The following CABIN1 variants were observed in gnomAD, a reference collection of about 807,000 sequenced individuals.
The protein encoded by CABIN1 is calcineurin binding protein 1.
A neutral mutation model predicts 227.7 loss-of-function variants in CABIN1; 133 were observed. The observed-to-expected ratio is 0.58, with a 90% CI of 0.51 to 0.67. The LOEUF (loss-of-function observed/expected upper bound fraction) is 0.67, where lower values mean the gene tolerates loss of function less well. Among genes scored for constraint, CABIN1 ranks in the 30% least tolerant of loss-of-function variants. The pLI is 0.00. For missense variants in CABIN1, 2,408 were observed against 2,852.5 expected, an observed-to-expected ratio of 0.84 and a Z score of 3.55; for synonymous variants, 1,086 against 1,155.1, an observed-to-expected ratio of 0.94 and a Z score of 1.21.
rs148566914 is a variant in CABIN1 at position 24,116,733 on chromosome 22, C to A, written c.4301-2634C>A. 7.5e-4 allele frequency among the ~76,000 whole-genome samples: 114 copies of A among 152,298 alleles called. 1 individual carries two copies. Among genetic ancestry groups the A allele is most frequent in the African/African-American group, 2.6e-3 (109 of 41,580 alleles). ...AGGGCCAGGCTTTTCCATAATGAGGCCCCCTGAGTTCACTAGGCCATCAGT... is the reference window on the plus strand; with the variant it reads ...AGGGCCAGGCTTTTCCATAATGAGGACCCCTGAGTTCACTAGGCCATCAGT... On this transcript the variant is annotated intron_variant, in intron 27 of 36. Transcript: ENST00000263119.
At chr22:24,102,265 C>G (rs576279333) in intron 26 of CABIN1, 1 of 152,388 alleles carries the variant, frequency 6.6e-6, no homozygotes, top group African/African-American at 2.4e-5. Context: ...GTCACTTGGC[C>G]TGGCTCAGCC....
chr22:24,148,080 G>A (rs181656387), intron 29 of CABIN1, among the ~76,000 whole-genome samples: 261 of 152,294 alleles, frequency 1.7e-3, no homozygotes, highest in African/African-American at 6.2e-3. Context: ...AAGGAGGAGG[G>A]GGTTGCTGTT....
In CABIN1 at chr22:24,076,183, C is replaced by T. The variant is rs779884288; in HGVS notation, c.2647C>T (p.Pro883Ser). 2 of 1,614,116 alleles carry T rather than the reference C, an allele frequency of 1.2e-6. No individual in the cohort carries two copies. Among genetic ancestry groups the T allele is most frequent in the South Asian group, 1.1e-5 (1 of 91,082 alleles). The stretch of plus-strand genomic sequence containing the variant: ...GCTTTCCCTAGGGATGTCAGAGACG[C>T]CCATGCTCCCATCCTCCCTCATGCT... Reference protein sequence around the residue: ...NPAEEGMSETPMLPSSLMLLN... With the variant: ...NPAEEGMSETSMLPSSLMLLN... Residue 883 changes from proline (P) to serine (S), a missense_variant, in exon 19 of 37, where the codon CCC becomes TCC. Transcript: ENST00000263119.
At chr22:24,073,319 AGTT>A (rs1479221434) in intron 18 of CABIN1, among the ~76,000 whole-genome samples, 6 of 151,672 alleles carry the variant, frequency 4.0e-5, no homozygotes, top group African/African-American at 1.5e-4. Flanking sequence ...GTTTGTGTGC[AGTT>A]GTTAGAATAA....
intron 1 of CABIN1, among the ~76,000 whole-genome samples, chr22:24,023,555 A>G (rs2035870647): frequency 6.6e-6 from 1 of 151,806 alleles, no homozygotes; most frequent in Non-Finnish European, 1.5e-5. Flanking sequence ...GTTATTTTCC[A>G]TTTCCTTTCT....
At chr22:24,085,775 C>T (rs1387513196) in intron 22 of CABIN1, among the ~76,000 whole-genome samples, 1 of 152,136 alleles carries the variant, frequency 6.6e-6, no homozygotes. Flanking sequence ...GTTTGATGCA[C>T]TTGATTAAGA....
At chr22:24,042,308 A>G (rs1852641736) in intron 5 of CABIN1, among the ~76,000 whole-genome samples, 1 of 152,232 alleles carries the variant, frequency 6.6e-6, no homozygotes, top group Admixed American at 6.5e-5. Context: ...GAATACAGAT[A>G]TTCAGATTGA....
chr22:24,120,585 G>T (rs2043351184), intron 28 of CABIN1, among the ~76,000 whole-genome samples: 1 of 152,186 alleles, frequency 6.6e-6, no homozygotes, highest in Admixed American at 6.5e-5. Flanking sequence ...ACTTTGGGAG[G>T]CTGAGGCAGG....
At chr22:24,098,387 C>T (rs369328705) in intron 26 of CABIN1, 195 bp downstream of exon 26, 19 of 1,223,540 alleles carry the variant, frequency 1.6e-5, no homozygotes, top group African/African-American at 3.0e-5. Context: ...TGCTCAGGGT[C>T]GCCACCTGCC....
intron 6 of CABIN1, among the ~76,000 whole-genome samples, chr22:24,043,905 T>C (rs117011550): frequency 0.069 from 10,564 of 152,296 alleles, 493 homozygotes; most frequent in Non-Finnish European, 0.11. Flanking sequence ...GGGACAGATA[T>C]AGGACAAACA....
chr22:24,134,622 C>G (rs1235282505), intron 29 of CABIN1, among the ~76,000 whole-genome samples: 1 of 152,276 alleles, frequency 6.6e-6, no homozygotes. Context: ...GTCACTGCCC[C>G]CTCCTGTGGG....
intron 28 of CABIN1, among the ~76,000 whole-genome samples, chr22:24,122,108 C>T (rs1374650823): frequency 8.4e-6 from 1 of 118,934 alleles, no homozygotes; most frequent in Non-Finnish European, 1.6e-5. Flanking sequence ...TTTGAAGGAG[C>T]CAGTGCATAT....
At chr22:24,137,630 C>G in intron 29 of CABIN1, among the ~76,000 whole-genome samples, 1 of 152,240 alleles carries the variant, frequency 6.6e-6, no homozygotes, top group Non-Finnish European at 1.5e-5. Context: ...CGTTTGGGGC[C>G]TCTGTCCTCC....
intron 29 of CABIN1, among the ~76,000 whole-genome samples, chr22:24,140,060 G>A (rs2044660242): frequency 6.6e-6 from 1 of 152,232 alleles, no homozygotes; most frequent in Admixed American, 6.5e-5. Flanking sequence ...GTGCTGCTCA[G>A]CCAGAAAGGG....
intron 26 of CABIN1, among the ~76,000 whole-genome samples, chr22:24,102,863 G>A (rs1432961253): frequency 2.0e-5 from 3 of 152,078 alleles, no homozygotes; most frequent in Non-Finnish European, 4.4e-5. Context: ...GGCCTCACTG[G>A]AGAGCCCAGG....
chr22:24,052,316 TC>T, intron 8 of CABIN1, among the ~76,000 whole-genome samples: 1 of 148,490 alleles, frequency 6.7e-6, no homozygotes, highest in Non-Finnish European at 1.5e-5. Context: ...GAGTGTAGAT[TC>T]CCTCTCTGGT....
chr22:24,116,890 C>G (rs2043117286), intron 27 of CABIN1, among the ~76,000 whole-genome samples: 1 of 152,252 alleles, frequency 6.6e-6, no homozygotes, highest in African/African-American at 2.4e-5. Flanking sequence ...GCATTCCAAG[C>G]CAGTCTTCCC....
rs539723845 is a variant in CABIN1 at position 24,017,099 on chromosome 22, C to T, written c.-75+5732C>T. Among the ~76,000 whole-genome samples, 191 of 146,896 alleles carry T rather than the reference C, an allele frequency of 1.3e-3. 1 individual carries two copies. Among genetic ancestry groups the T allele is most frequent in the Middle Eastern group, 3.6e-3 (1 of 278 alleles). On this transcript the variant is annotated intron_variant, in intron 1 of 36. Transcript: ENST00000263119. ...CTCACCAGGCTGGAGTGCAATGGCG[C>T]GATCTCGGCTCACTGCAACCTCCAC...
intron 26 of CABIN1, among the ~76,000 whole-genome samples, chr22:24,105,360 C>T (rs964546748): frequency 3.3e-5 from 5 of 152,114 alleles, no homozygotes; most frequent in South Asian, 2.1e-4. Context: ...TGCATAGACA[C>T]GAAACATTCC....
Sources: allele counts gnomAD v4.1 joint callset (sites outside exome capture counted in the v4.1 genomes callset), GRCh38; gene constraint gnomAD v4.1.1; transcripts MANE v1.5; gene names NCBI Gene and HGNC (gene_info 2026-07-23, HGNC 2026-07-21).